Variants in QSOX1 observed in about 807,000 individuals in gnomAD.
The protein encoded by QSOX1 is quiescin sulfhydryl oxidase 1.
Under a neutral mutation model 76.1 loss-of-function variants are expected in QSOX1, and 40 were observed. The observed-to-expected ratio is 0.53, with a 90% CI of 0.41 to 0.68. The LOEUF (loss-of-function observed/expected upper bound fraction) is 0.68. Among genes scored for constraint, QSOX1 ranks in the 30% least tolerant of loss-of-function variants. QSOX1 has a pLI of 0.00. For missense variants in QSOX1, 931 were observed against 974.3 expected, an observed-to-expected ratio of 0.96 and a Z score of 0.59; for synonymous variants, 392 against 413.1, an observed-to-expected ratio of 0.95 and a Z score of 0.62.
At chr1:180,186,444 G>T (rs1305166189) in intron 8 of QSOX1, among the ~76,000 whole-genome samples, 1 of 152,256 alleles carries the variant, frequency 6.6e-6, no homozygotes, top group Admixed American at 6.5e-5. Context: ...CCCACCTGGG[G>T]ATATTTCCAG....
rs1259193374 is a variant in QSOX1 at position 180,197,950 on chromosome 1, G to C, written c.*913G>C. 1 of 348,142 alleles carries C rather than the reference G, an allele frequency of 2.9e-6. No individual in the cohort carries two copies. The highest frequency in any genetic ancestry group is 5.7e-6 in the Non-Finnish European group (1 of 174,296). 21.6% of individuals were successfully genotyped at this position (348,142 alleles called of 1,614,324 possible). A position where few individuals can be genotyped will look rare whatever the true frequency, so the allele number is the denominator to read the frequency against. ...TGTGCAGAAGTTAGAAGGGTCTGGC[G>C]GGGGCAGTGCCTTACACATGCTTGA... On this transcript the variant is annotated 3_prime_UTR_variant, in exon 12 of 12. Coordinates refer to ENST00000367602, the MANE Select transcript of QSOX1 (RefSeq NM_002826.5).
chr1:180,165,124 G>A (rs1302092032), intron 1 of QSOX1, among the ~76,000 whole-genome samples: 1 of 152,228 alleles, frequency 6.6e-6, no homozygotes, highest in Non-Finnish European at 1.5e-5. Flanking sequence ...GAGATTTGGA[G>A]GGGACAAGAT....
At chr1:180,194,109 G>T (rs1663395737) in intron 10 of QSOX1, 104 bp from the exon 11 acceptor site, 2 of 1,084,456 alleles carry the variant, frequency 1.8e-6, no homozygotes, top group South Asian at 3.1e-5. Flanking sequence ...CCTGTGCAGG[G>T]GTGGCCACGG....
At chr1:180,183,866 C>T (rs779035209) in intron 6 of QSOX1, 50 bp from the exon 7 acceptor site, 4 of 1,564,166 alleles carry the variant, frequency 2.6e-6, no homozygotes, top group Non-Finnish European at 2.6e-6. Flanking sequence ...TAGCTCTAAT[C>T]TTGTTCTCTG....
At chr1:180,178,587 T>G (rs1662954193) in intron 4 of QSOX1, among the ~76,000 whole-genome samples, 1 of 152,172 alleles carries the variant, frequency 6.6e-6, no homozygotes, top group Non-Finnish European at 1.5e-5. Context: ...CCAAGGTAGG[T>G]CAGATGAAGA....
Position 180,154,922 on chromosome 1 carries a change from C to A in QSOX1, c.15C>A (p.Asn5Lys), listed in dbSNP as rs1051847014. The A allele has an allele frequency of 8.2e-6, 12 of 1,464,776 alleles. No homozygotes were observed. Among genetic ancestry groups the A allele is most frequent in the Non-Finnish European group, 1.1e-5 (12 of 1,116,948 alleles). 90.7% of individuals were successfully genotyped at this position (1,464,776 alleles called of 1,614,324 possible). A position where few individuals can be genotyped will look rare whatever the true frequency, so the allele number is the denominator to read the frequency against. The change falls in exon 1 of 12, where the codon AAC (asparagine) becomes AAA (lysine). Residue 5 changes from asparagine (N) to lysine (K), a missense_variant. Physicochemically the swap from Asn to Lys is moderately conservative, Grantham distance 94. Coordinates refer to ENST00000367602, the MANE Select transcript of QSOX1 (RefSeq NM_002826.5). ...CAGCGCCGAGGATGAGGAGGTGCAACAGCGGCTCCGGGCCGCCGCCGTCGC... is the reference window on the plus strand; with the variant it reads ...CAGCGCCGAGGATGAGGAGGTGCAAAAGCGGCTCCGGGCCGCCGCCGTCGC... MRRC[N>K]SGSGPPPSLL...
At chr1:180,163,146 A>C (rs1662533232) in intron 1 of QSOX1, among the ~76,000 whole-genome samples, 2 of 151,428 alleles carry the variant, frequency 1.3e-5, no homozygotes, top group Non-Finnish European at 2.9e-5. Context: ...AAAAAAAAAA[A>C]CACAAAAACT....
intron 1 of QSOX1, among the ~76,000 whole-genome samples, chr1:180,165,929 G>C (rs1043792692): frequency 6.6e-6 from 1 of 152,210 alleles, no homozygotes; most frequent in Non-Finnish European, 1.5e-5. Context: ...GCAGTTCCTG[G>C]ATTCCAGATG....
Position 180,155,662 on chromosome 1 carries a change from T to G in QSOX1, c.265+490T>G, listed in dbSNP as rs548495601. On this transcript the variant is annotated intron_variant, in intron 1 of 11. Transcript: ENST00000367602. Reference sequence around the variant, plus strand: ...CATCCATTTTGCCTCCCTGCCACCTTTCTCCACTCCCTCGACTGGTTGACC... The same window carrying G: ...CATCCATTTTGCCTCCCTGCCACCTGTCTCCACTCCCTCGACTGGTTGACC... Among the ~76,000 whole-genome samples, 5 of 152,338 alleles carry G rather than the reference T, an allele frequency of 3.3e-5. No individual in the cohort carries two copies. In the South Asian group the frequency reaches 1.0e-3, roughly 32 times the overall value.
intron 1 of QSOX1, among the ~76,000 whole-genome samples, chr1:180,161,879 A>G (rs1662501098): frequency 1.3e-5 from 2 of 152,194 alleles, no homozygotes. Context: ...CAATCGTATT[A>G]TCTCGAAGTT....
chr1:180,185,687 G>A lies in QSOX1; in HGVS notation c.888-366G>A, dbSNP rs139478846. 3.9e-5 allele frequency among the ~76,000 whole-genome samples: 6 copies of A among 152,280 alleles called. No individual in the cohort carries two copies. In the South Asian group the frequency reaches 6.2e-4, roughly 16 times the overall value. On this transcript the variant is annotated intron_variant, in intron 7 of 11. Transcript: ENST00000367602. The stretch of plus-strand genomic sequence containing the variant: ...TGATTATGTCTAGTGGTCTTGGCTC[G>A]GAGCTGGCCTGATTAGTGAGTTGCA...
At chr1:180,170,585 CTG>C (rs552772726) in intron 2 of QSOX1, among the ~76,000 whole-genome samples, 56 of 152,224 alleles carry the variant, frequency 3.7e-4, no homozygotes, top group Admixed American at 2.9e-3. Flanking sequence ...CCAGTAGCTC[CTG>C]TGTAAAGTGA....
chr1:180,155,067 G>T lies in QSOX1; in HGVS notation c.160G>T (p.Val54Leu). ...LLQADTVRGA[V>L]LGSRSAWAVE... ...GCAGGCGGACACGGTGCGCGGCGCG[G>T]TGCTGGGCTCCCGCAGCGCCTGGGC... The change falls in exon 1 of 12, where the codon GTG becomes TTG. Residue 54 changes from valine to leucine, a missense_variant. By Grantham distance (32) the Val-to-Leu change is conservative. Coordinates refer to ENST00000367602, the MANE Select transcript of QSOX1 (RefSeq NM_002826.5). 1 of 1,519,602 alleles carries T rather than the reference G, an allele frequency of 6.6e-7. No homozygotes were observed. The highest frequency in any genetic ancestry group is 8.8e-7 in the Non-Finnish European group (1 of 1,140,184). The allele number at this position is 1,519,602 out of a possible 1,614,324, so 94.1% of individuals were successfully genotyped here.
At chr1:180,160,133 A>T (rs942094270) in intron 1 of QSOX1, among the ~76,000 whole-genome samples, 2 of 152,196 alleles carry the variant, frequency 1.3e-5, no homozygotes, top group African/African-American at 4.8e-5. Flanking sequence ...TCTCCCCAGG[A>T]TAATACTAAG....
intron 4 of QSOX1, among the ~76,000 whole-genome samples, chr1:180,176,726 A>G (rs1662904085): frequency 6.6e-6 from 1 of 152,240 alleles, no homozygotes; most frequent in Non-Finnish European, 1.5e-5. Context: ...AAGATAGGAT[A>G]ATGCCCACCT....
At chr1:180,195,046 A>T (rs1424223795) in intron 11 of QSOX1, among the ~76,000 whole-genome samples, 1 of 151,472 alleles carries the variant, frequency 6.6e-6, no homozygotes, top group Non-Finnish European at 1.5e-5. Context: ...TGAATGGAGC[A>T]GGTGGTGGTG....
intron 8 of QSOX1, among the ~76,000 whole-genome samples, chr1:180,189,320 A>G (rs187027881): frequency 2.2e-4 from 33 of 151,938 alleles, no homozygotes; most frequent in Non-Finnish European, 4.0e-4. Flanking sequence ...CACCTTCCCT[A>G]CCCTGTCTTC....
intron 2 of QSOX1, among the ~76,000 whole-genome samples, chr1:180,169,583 G>A (rs61828294): frequency 0.11 from 16,321 of 152,304 alleles, 1,192 homozygotes; most frequent in Middle Eastern, 0.2. Flanking sequence ...ATATGCAAGT[G>A]CCACCATGCT....
intron 2 of QSOX1, among the ~76,000 whole-genome samples, chr1:180,173,092 G>A (rs1209211503): frequency 1.3e-5 from 2 of 151,974 alleles, no homozygotes; most frequent in Non-Finnish European, 2.9e-5. Context: ...CATCACCCTC[G>A]GGTTTCTTTT....
Sources: gnomAD v4.1 joint callset for allele counts (sites outside exome capture counted in the v4.1 genomes callset) on GRCh38, gnomAD v4.1.1 for gene constraint, MANE v1.5 for transcripts, NCBI Gene and HGNC (gene_info 2026-07-23, HGNC 2026-07-21) for gene names.